HERC4: variants seen among roughly 807,000 people sequenced by gnomAD.
HERC4 encodes the protein probable E3 ubiquitin-protein ligase HERC4.
Under a neutral mutation model 124.3 loss-of-function variants are expected in HERC4, and 28 were observed. The ratio of observed to expected loss-of-function variants is 0.23; its 90% CI spans 0.17 to 0.31. The LOEUF (loss-of-function observed/expected upper bound fraction) is 0.31. Ranked by LOEUF, HERC4 falls within the 10% of genes least tolerant of loss-of-function variation. HERC4 has a pLI of 1.00. For missense variants in HERC4, 713 were observed against 1,229.3 expected, an observed-to-expected ratio of 0.58 and a Z score of 6.28; for synonymous variants, 407 against 421.5, an observed-to-expected ratio of 0.97 and a Z score of 0.42.
intron 19 of HERC4, among the ~76,000 whole-genome samples, chr10:67,943,957 A>C (rs2033125269): frequency 6.6e-6 from 1 of 152,188 alleles, no homozygotes; most frequent in African/African-American, 2.4e-5. Flanking sequence ...AGGTTCCTTA[A>C]GGTTTCTGAC....
intron 3 of HERC4, among the ~76,000 whole-genome samples, chr10:68,059,618 A>AATATGATATATC (rs2040796965): frequency 1.1e-5 from 1 of 89,914 alleles, no homozygotes; most frequent in African/African-American, 6.3e-5. Context: ...TATATATCAT[A>AATATGATATATC]ATATTATATA....
intron 3 of HERC4, among the ~76,000 whole-genome samples, chr10:68,051,143 CA>C (rs1393974755): frequency 4.0e-5 from 6 of 149,946 alleles, no homozygotes; most frequent in African/African-American, 1.5e-4. Context: ...CACACAAGTC[CA>C]TTAAAAAAAC....
intron 3 of HERC4, among the ~76,000 whole-genome samples, chr10:68,049,765 G>T (rs1589421722): frequency 6.6e-6 from 1 of 151,946 alleles, no homozygotes; most frequent in Non-Finnish European, 1.5e-5. Flanking sequence ...TTAAAAATTA[G>T]CCAGGCATGG....
In HERC4 at chr10:68,059,841, AATATATTATATATC is replaced by A. The variant is rs1420458493; in HGVS notation, c.226+13028_226+13041del. On this transcript the variant is annotated intron_variant, in intron 3 of 24. Transcript: ENST00000373700. ...TATATATCATAATATTATATATTAT[AATATATTATATATC>A]ATAATATTATATATTATAATAATAT... is the stretch of plus-strand genomic sequence containing the variant. Among the ~76,000 whole-genome samples, 533 of 32,954 alleles carry A rather than the reference AATATATTATATATC, an allele frequency of 0.016. 69 individuals are homozygous for A. In the East Asian group the frequency reaches 0.23, roughly 14 times the overall value. 21.6% of individuals were successfully genotyped at this position (32,954 alleles called of 152,430 possible).
At chr10:68,016,618 TG>T in intron 8 of HERC4, among the ~76,000 whole-genome samples, 1 of 152,308 alleles carries the variant, frequency 6.6e-6, no homozygotes, top group East Asian at 1.9e-4. Context: ...CCCAAAGTGC[TG>T]GGATTACAGG....
intron 9 of HERC4, among the ~76,000 whole-genome samples, chr10:68,006,110 T>C (rs2037530314): frequency 6.6e-6 from 1 of 152,214 alleles, no homozygotes; most frequent in South Asian, 2.1e-4. Flanking sequence ...ATTACATCTA[T>C]TTATATCTTA....
At chr10:67,985,307 AT>A (rs1310214306) in intron 15 of HERC4, among the ~76,000 whole-genome samples, 1 of 152,264 alleles carries the variant, frequency 6.6e-6, no homozygotes, top group African/African-American at 2.4e-5. Context: ...TAATATAATA[AT>A]AAGCACATAG....
chr10:67,929,488 C>A (rs2031538475), intron 23 of HERC4, among the ~76,000 whole-genome samples: 1 of 152,130 alleles, frequency 6.6e-6, no homozygotes, highest in South Asian at 2.1e-4. Flanking sequence ...CAGCATAAAG[C>A]CTCAGATTCA....
chr10:67,927,783 T>C (rs1004729338), intron 23 of HERC4, among the ~76,000 whole-genome samples: 1 of 152,192 alleles, frequency 6.6e-6, no homozygotes, highest in East Asian at 1.9e-4. Flanking sequence ...AAATCAATTA[T>C]CACTTCAGGC....
chr10:68,070,020 C>T, intron 3 of HERC4: 4 of 877,836 alleles, frequency 4.6e-6, no homozygotes, highest in Non-Finnish European at 5.5e-6. Context: ...CCAGCCTGGG[C>T]AACAGAGTGA....
At chr10:68,032,326 A>G (rs2039250377) in intron 7 of HERC4, among the ~76,000 whole-genome samples, 1 of 152,204 alleles carries the variant, frequency 6.6e-6, no homozygotes, top group Non-Finnish European at 1.5e-5. Context: ...CTGCTTGCAC[A>G]ATACTTGGCC....
chr10:68,054,551 C>T (rs560948701), intron 3 of HERC4, among the ~76,000 whole-genome samples: 1 of 151,940 alleles, frequency 6.6e-6, no homozygotes, highest in Non-Finnish European at 1.5e-5. Context: ...ACCATGTTGG[C>T]CAGGCTTGTC....
chr10:68,006,760 G>A (rs575393285), intron 9 of HERC4, among the ~76,000 whole-genome samples: 1 of 152,194 alleles, frequency 6.6e-6, no homozygotes, highest in South Asian at 2.1e-4. Flanking sequence ...AATATTCTGG[G>A]ATAAATGTTA....
chr10:67,970,350 GGGA>G (rs1242435361), intron 15 of HERC4, among the ~76,000 whole-genome samples: 1 of 152,318 alleles, frequency 6.6e-6, no homozygotes, highest in African/African-American at 2.4e-5. Flanking sequence ...CCAGCACTCG[GGGA>G]GGAGAAGGCA....
intron 8 of HERC4, among the ~76,000 whole-genome samples, chr10:68,021,439 G>A (rs10997908): frequency 0.1 from 15,290 of 152,214 alleles, 1,086 homozygotes; most frequent in Non-Finnish European, 0.16. Context: ...TGTAAGATCA[G>A]GAATAAGGAT....
intron 19 of HERC4, among the ~76,000 whole-genome samples, chr10:67,949,398 A>T (rs1442904715): frequency 6.6e-6 from 1 of 152,250 alleles, no homozygotes; most frequent in Non-Finnish European, 1.5e-5. Context: ...CTTCCAAAAG[A>T]TCACAGCAGA....
Position 68,070,141 on chromosome 10 carries a change from A to G in HERC4, c.226+2742T>C, listed in dbSNP as rs950652441. ...AATATAACCAACTTGCTCAATTACCAGAAGACTTTAAAATAAATAAGATCC... is the reference window on the plus strand; with the variant it reads ...AATATAACCAACTTGCTCAATTACCGGAAGACTTTAAAATAAATAAGATCC... On this transcript the variant is annotated intron_variant, in intron 3 of 24. Coordinates refer to ENST00000373700, the MANE Select transcript of HERC4 (RefSeq NM_015601.4). 3 of 985,046 alleles carry G rather than the reference A, an allele frequency of 3.0e-6. No individual in the cohort carries two copies. In the East Asian group the frequency reaches 3.4e-4, roughly 112 times the overall value. The allele number at this position is 985,046 out of a possible 1,614,324, so 61.0% of individuals were successfully genotyped here.
chr10:68,029,742 CTTTG>C (rs1314481571), intron 7 of HERC4, among the ~76,000 whole-genome samples: 5 of 146,744 alleles, frequency 3.4e-5, no homozygotes, highest in African/African-American at 1.2e-4. Flanking sequence ...ATATATAACA[CTTTG>C]TTTTTTTTTT....
intron 3 of HERC4, among the ~76,000 whole-genome samples, chr10:68,059,557 A>C (rs1454910852): frequency 7.2e-5 from 7 of 97,642 alleles, no homozygotes; most frequent in East Asian, 5.9e-4. Context: ...ATCATAATAT[A>C]TATCATAATA....
Sources: gnomAD v4.1 joint callset for allele counts (sites outside exome capture counted in the v4.1 genomes callset) on GRCh38, gnomAD v4.1.1 for gene constraint, MANE v1.5 for transcripts, NCBI Gene and HGNC (gene_info 2026-07-23, HGNC 2026-07-21) for gene names.